SSBP3: variants seen among roughly 807,000 people sequenced by gnomAD.
SSBP3 encodes the protein single stranded DNA binding protein 3.
A neutral mutation model predicts 69.6 loss-of-function variants in SSBP3; 5 were observed. The ratio of observed to expected loss-of-function variants is 0.07; its 90% confidence interval spans 0.04 to 0.15. The LOEUF (loss-of-function observed/expected upper bound fraction) is 0.15. Among genes scored for constraint, SSBP3 ranks in the 10% least tolerant of loss-of-function variants. The pLI is 1.00. For synonymous variants in SSBP3, 196 were observed against 193.4 expected, an observed-to-expected ratio of 1.01 and a Z score of -0.11; for missense variants, 312 against 534.0, an observed-to-expected ratio of 0.58 and a Z score of 4.10.
intron 3 of SSBP3, among the ~76,000 whole-genome samples, chr1:54,402,762 C>A (rs985665469): frequency 6.6e-6 from 1 of 152,090 alleles, no homozygotes; most frequent in Non-Finnish European, 1.5e-5. Flanking sequence ...ATGGTCACTC[C>A]GACATTCTGT....
In SSBP3 at chr1:54,390,363, G is replaced by A. The variant is rs113693786; in HGVS notation, c.276+11498C>T. On this transcript the variant is annotated intron_variant, in intron 4 of 17. Coordinates refer to ENST00000610401, the Ensembl canonical transcript of SSBP3. ...ACTCTCTAAAATCCCAGGGACCCGC[G>A]GCAAACATCCTGATTTCCTCCTAGT... 3.9e-3 allele frequency among the ~76,000 whole-genome samples: 594 copies of A among 152,126 alleles called. 20 individuals carry two copies. The South Asian group carries it at 0.041, about 11-fold the overall frequency.
intron 4 of SSBP3, among the ~76,000 whole-genome samples, chr1:54,396,064 C>T (rs569236061): frequency 1.5e-4 from 23 of 151,914 alleles, no homozygotes; most frequent in South Asian, 6.3e-4. Flanking sequence ...TGGTGGCACG[C>T]GCCTGTAATC....
intron 4 of SSBP3, among the ~76,000 whole-genome samples, chr1:54,288,584 G>A (rs202211144): frequency 0.078 from 6,885 of 88,584 alleles, 382 homozygotes; most frequent in African/African-American, 0.2. Context: ...CATCAGCAGG[G>A]GTGGGGGGGG....
At chr1:54,336,861 C>G (rs1203227258) in intron 4 of SSBP3, among the ~76,000 whole-genome samples, 2 of 152,172 alleles carry the variant, frequency 1.3e-5, no homozygotes, top group Non-Finnish European at 2.9e-5. Flanking sequence ...GGTAACCACC[C>G]TGAATAGCCA....
At chr1:54,233,451 C>T (rs1477843787) in intron 14 of SSBP3, among the ~76,000 whole-genome samples, 1 of 151,518 alleles carries the variant, frequency 6.6e-6, no homozygotes, top group African/African-American at 2.4e-5. Flanking sequence ...AAGTGAGGAG[C>T]GTCTCCGGCT....
At chr1:54,328,198 G>A (rs1050276795) in intron 4 of SSBP3, among the ~76,000 whole-genome samples, 6 of 152,088 alleles carry the variant, frequency 3.9e-5, no homozygotes, top group East Asian at 3.9e-4. Flanking sequence ...AACAGGGCCC[G>A]CAGCGAACAA....
At chr1:54,385,427 T>C (rs905321463) in intron 4 of SSBP3, among the ~76,000 whole-genome samples, 1 of 152,138 alleles carries the variant, frequency 6.6e-6, no homozygotes, top group African/African-American at 2.4e-5. Flanking sequence ...GGGAAGCTTT[T>C]AAAATGTTCT....
intron 4 of SSBP3, among the ~76,000 whole-genome samples, chr1:54,393,568 TC>T (rs1648649167): frequency 1.3e-5 from 2 of 151,986 alleles, no homozygotes; most frequent in Admixed American, 1.3e-4. Flanking sequence ...GACAGTAGAA[TC>T]CTTTGAAGCC....
chr1:54,350,918 T>C (rs1254598809), intron 4 of SSBP3, among the ~76,000 whole-genome samples: 1 of 152,074 alleles, frequency 6.6e-6, no homozygotes, highest in Non-Finnish European at 1.5e-5. Context: ...CTCAACCTCC[T>C]GGACTCAGCA....
chr1:54,324,638 C>A (rs1360326034), intron 4 of SSBP3, among the ~76,000 whole-genome samples: 1 of 148,684 alleles, frequency 6.7e-6, no homozygotes, highest in East Asian at 2.0e-4. Flanking sequence ...CAAATGGGTC[C>A]GTTTTTCACC....
In SSBP3 at chr1:54,294,153, AAAAAAAAAAGAAAGAAAG is replaced by A. The variant is rs1264890741; in HGVS notation, c.277-12644_277-12627del. On this transcript the variant is annotated intron_variant, in intron 4 of 17. Coordinates refer to ENST00000610401, the Ensembl canonical transcript of SSBP3. ...GTGAGACTCCATCTCAAAAAAAAAA[AAAAAAAAAAGAAAGAAAG>A]AAAGAAAGAAAGAAAGAAAGAAAAG... Among the ~76,000 whole-genome samples the A allele has an allele frequency of 9.8e-5, 10 of 101,738 alleles. 1 individual carries two copies. The East Asian group carries it at 1.1e-3, about 12-fold the overall frequency. 66.7% of individuals were successfully genotyped at this position (101,738 alleles called of 152,430 possible).
At chr1:54,335,535 A>G (rs1433296309) in intron 4 of SSBP3, among the ~76,000 whole-genome samples, 1 of 152,200 alleles carries the variant, frequency 6.6e-6, no homozygotes, top group Admixed American at 6.5e-5. Context: ...GGCTGATTTA[A>G]GGCTAGGGCT....
chr1:54,376,388 C>T (rs1647237880), intron 4 of SSBP3, among the ~76,000 whole-genome samples: 1 of 152,216 alleles, frequency 6.6e-6, no homozygotes, highest in Non-Finnish European at 1.5e-5. Context: ...TTGCTTTGGC[C>T]ACCAGCAATG....
intron 4 of SSBP3, among the ~76,000 whole-genome samples, chr1:54,367,105 G>T (rs12757541): frequency 7.9e-5 from 12 of 152,214 alleles, no homozygotes; most frequent in Non-Finnish European, 1.5e-4. Context: ...AAGTAGGGCT[G>T]CCTCTTTCCT....
chr1:54,304,143 C>G (rs908157412), intron 4 of SSBP3, among the ~76,000 whole-genome samples: 2 of 152,180 alleles, frequency 1.3e-5, no homozygotes, highest in African/African-American at 4.8e-5. Context: ...GGAGCCATGA[C>G]GAGTTCTGAA....
intron 4 of SSBP3, among the ~76,000 whole-genome samples, chr1:54,377,257 C>T (rs1432906357): frequency 6.6e-6 from 1 of 152,240 alleles, no homozygotes; most frequent in African/African-American, 2.4e-5. Flanking sequence ...CGGTGCTCCT[C>T]CCTTTCCCCA....
chr1:54,324,034 A>G (rs995890491), intron 4 of SSBP3, among the ~76,000 whole-genome samples: 3 of 152,204 alleles, frequency 2.0e-5, no homozygotes, highest in African/African-American at 7.2e-5. Flanking sequence ...TCCTTGAAGA[A>G]TGTGTTTTAT....
intron 14 of SSBP3, 33 bp from the exon 15 acceptor site, chr1:54,228,859 C>G: frequency 6.3e-7 from 1 of 1,598,768 alleles, no homozygotes. Flanking sequence ...GGCAGCTCAG[C>G]GGGCCCTGGC....
At chr1:54,348,259 GGC>G (rs1646723752) in intron 4 of SSBP3, among the ~76,000 whole-genome samples, 2 of 117,538 alleles carry the variant, frequency 1.7e-5, no homozygotes, top group African/African-American at 6.4e-5. Flanking sequence ...GGGGGGGGGG[GGC>G]GGGTGAGGAC....
Sources: gnomAD v4.1 joint callset for allele counts (sites outside exome capture counted in the v4.1 genomes callset) on GRCh38, gnomAD v4.1.1 for gene constraint, MANE v1.5 for transcripts, NCBI Gene and HGNC (gene_info 2026-07-23, HGNC 2026-07-21) for gene names.